Variants in KIAA0825 observed in about 807,000 individuals in gnomAD.
KIAA0825 encodes the protein uncharacterized protein KIAA0825.
KIAA0825 carries 119 observed loss-of-function variants against 147.6 expected under a neutral mutation model. The observed-to-expected ratio is 0.81, with a 90% CI of 0.69 to 0.94. The LOEUF (loss-of-function observed/expected upper bound fraction) is 0.94, where lower values mean the gene tolerates loss of function less well. Ranked by LOEUF, KIAA0825 falls within the 40% of genes least tolerant of loss-of-function variation. The pLI is 0.00. For synonymous variants in KIAA0825, 470 were observed against 518.1 expected, an observed-to-expected ratio of 0.91 and a Z score of 1.26; for missense variants, 1,381 against 1,472.7, an observed-to-expected ratio of 0.94 and a Z score of 1.02.
intron 20 of KIAA0825, among the ~76,000 whole-genome samples, chr5:94,347,605 A>G (rs1266036471): frequency 1.3e-5 from 2 of 152,332 alleles, no homozygotes; most frequent in East Asian, 1.9e-4. Flanking sequence ...AAAGGGAGAG[A>G]GTACTACATC....
At chr5:94,613,505 T>C (rs1446925022) in intron 1 of KIAA0825, among the ~76,000 whole-genome samples, 3 of 152,170 alleles carry the variant, frequency 2.0e-5, no homozygotes, top group Non-Finnish European at 4.4e-5. Flanking sequence ...GCCAATCTTG[T>C]CTTCTGTATT....
intron 5 of KIAA0825, among the ~76,000 whole-genome samples, chr5:94,501,478 G>A (rs1325421347): frequency 6.6e-6 from 1 of 152,148 alleles, no homozygotes; most frequent in African/African-American, 2.4e-5. Flanking sequence ...GGCAAAGCTG[G>A]AATACAAAGA....
intron 12 of KIAA0825, among the ~76,000 whole-genome samples, chr5:94,456,416 A>G (rs1427799622): frequency 6.6e-6 from 1 of 151,932 alleles, no homozygotes; most frequent in Non-Finnish European, 1.5e-5. Flanking sequence ...TCCCCCCTCT[A>G]TGCCCTAATT....
At chr5:94,249,835 T>C (rs1456799206) in intron 20 of KIAA0825, among the ~76,000 whole-genome samples, 4 of 150,710 alleles carry the variant, frequency 2.7e-5, no homozygotes, top group African/African-American at 7.4e-5. Context: ...TATAGACTTA[T>C]ATAAGTTATC....
At chr5:94,423,741 A>G (rs1342473086) in intron 14 of KIAA0825, among the ~76,000 whole-genome samples, 15 of 152,196 alleles carry the variant, frequency 9.9e-5, no homozygotes, top group Non-Finnish European at 4.4e-5. Flanking sequence ...CTCATTTTCA[A>G]TCTGGGTATT....
intron 20 of KIAA0825, among the ~76,000 whole-genome samples, chr5:94,166,552 G>A (rs987643226): frequency 3.1e-5 from 4 of 130,460 alleles, no homozygotes; most frequent in Middle Eastern, 5.5e-3. Flanking sequence ...CTGTCACCCA[G>A]TCTGGAGTGC....
At chr5:94,385,825 T>G (rs1749061950) in intron 19 of KIAA0825, among the ~76,000 whole-genome samples, 1 of 152,244 alleles carries the variant, frequency 6.6e-6, no homozygotes. Flanking sequence ...CTCAGTGCTC[T>G]ATTTATAATT....
chr5:94,555,033 T>C (rs1018662590), intron 2 of KIAA0825, among the ~76,000 whole-genome samples: 2 of 151,920 alleles, frequency 1.3e-5, no homozygotes, highest in Non-Finnish European at 2.9e-5. Context: ...CAGTTTTCCC[T>C]AGAACTATTA....
intron 20 of KIAA0825, among the ~76,000 whole-genome samples, chr5:94,187,405 T>G (rs368626475): frequency 1.4e-5 from 2 of 148,100 alleles, no homozygotes; most frequent in African/African-American, 4.9e-5. Flanking sequence ...GAAAGGAGTT[T>G]TTTTTTTTTT....
intron 20 of KIAA0825, among the ~76,000 whole-genome samples, chr5:94,297,441 T>C (rs954988377): frequency 2.0e-5 from 3 of 152,310 alleles, no homozygotes; most frequent in African/African-American, 7.2e-5. Flanking sequence ...TACACCAATA[T>C]GATTACAAAG....
intron 20 of KIAA0825, among the ~76,000 whole-genome samples, chr5:94,327,681 C>T (rs1417952719): frequency 6.6e-6 from 1 of 152,084 alleles, no homozygotes; most frequent in African/African-American, 2.4e-5. Flanking sequence ...TGGGTATAAA[C>T]TAATACTTTC....
intron 20 of KIAA0825, among the ~76,000 whole-genome samples, chr5:94,373,203 A>G (rs545227883): frequency 5.9e-5 from 9 of 152,160 alleles, no homozygotes; most frequent in East Asian, 5.8e-4. Context: ...ACATTTTCCT[A>G]TCTTCTTCTG....
At chr5:94,267,846 G>C (rs1776802887) in intron 20 of KIAA0825, among the ~76,000 whole-genome samples, 1 of 151,932 alleles carries the variant, frequency 6.6e-6, no homozygotes, top group African/African-American at 2.4e-5. Context: ...TTGATTCATG[G>C]ACAGATAAAT....
At chr5:94,356,723 TTC>T in intron 20 of KIAA0825, among the ~76,000 whole-genome samples, 1 of 134,456 alleles carries the variant, frequency 7.4e-6, no homozygotes. Context: ...TTAACTTGAT[TTC>T]TTTTTTTTTT....
intron 5 of KIAA0825, among the ~76,000 whole-genome samples, chr5:94,502,925 A>G (rs1584705021): frequency 6.6e-6 from 1 of 151,970 alleles, no homozygotes; most frequent in Non-Finnish European, 1.5e-5. Flanking sequence ...CCTGGCCAAC[A>G]TGGTGAAATC....
intron 20 of KIAA0825, among the ~76,000 whole-genome samples, chr5:94,212,375 T>C (rs1211998482): frequency 6.6e-6 from 1 of 152,200 alleles, no homozygotes; most frequent in African/African-American, 2.4e-5. Flanking sequence ...ACACAGCCAC[T>C]GTATCAAGGT....
intron 2 of KIAA0825, among the ~76,000 whole-genome samples, chr5:94,551,536 C>T (rs1043912901): frequency 6.6e-6 from 1 of 151,976 alleles, no homozygotes; most frequent in Non-Finnish European, 1.5e-5. Flanking sequence ...AGAAATCTTA[C>T]AAGCCTGGAG....
At chr5:94,348,215 C>T (rs766084221) in intron 20 of KIAA0825, among the ~76,000 whole-genome samples, 7 of 152,222 alleles carry the variant, frequency 4.6e-5, no homozygotes, top group South Asian at 2.1e-4. Flanking sequence ...GTTTGGAAAA[C>T]GTATTTCGGG....
chr5:94,375,071 G>A (rs972098582), intron 20 of KIAA0825, among the ~76,000 whole-genome samples: 11 of 133,070 alleles, frequency 8.3e-5, no homozygotes, highest in Admixed American at 1.8e-4. Context: ...TCGCTCTGTC[G>A]CCTGGGCTGG....
Sources: gnomAD v4.1 joint callset for allele counts (sites outside exome capture counted in the v4.1 genomes callset) on GRCh38, gnomAD v4.1.1 for gene constraint, MANE v1.5 for transcripts, NCBI Gene and HGNC (gene_info 2026-07-23, HGNC 2026-07-21) for gene names.